The following IDE variants were observed in gnomAD, a reference collection of about 807,000 sequenced individuals.
IDE encodes insulin-degrading enzyme.
Under a neutral mutation model 133.2 loss-of-function variants are expected in IDE, and 58 were observed. The observed-to-expected ratio is 0.44, with a 90% CI of 0.35 to 0.54. IDE has a LOEUF of 0.54. IDE is among the 20% of genes least tolerant of loss of function. The pLI is 0.00. For missense variants in IDE, 981 were observed against 1,234.0 expected, an observed-to-expected ratio of 0.79 and a Z score of 3.07; for synonymous variants, 396 against 421.3, an observed-to-expected ratio of 0.94 and a Z score of 0.73.
At chr10:92,488,260 A>T (rs1473799179) in intron 12 of IDE, among the ~76,000 whole-genome samples, 1 of 152,010 alleles carries the variant, frequency 6.6e-6, no homozygotes, top group African/African-American at 2.4e-5. Flanking sequence ...GTGTACCACC[A>T]CACTCAGCTA....
In IDE at chr10:92,476,041, CA is replaced by C. The variant is rs1051330146; in HGVS notation, c.1885-48del. On this transcript the variant is annotated intron_variant, in intron 15 of 24. Transcript: ENST00000265986. ...TTAAAAGTCTAAAAATATCACAAAA[CA>C]ACTTCCAAATAAACGACTTGATTTT... is the stretch of plus-strand genomic sequence containing the variant. 6.5e-6 allele frequency: 5 copies of C among 764,908 alleles called. No homozygotes were observed. In the African/African-American group the frequency reaches 8.9e-5, roughly 14 times the overall value. The allele number at this position is 764,908 out of a possible 1,614,324, so 47.4% of individuals were successfully genotyped here.
At position 92,573,952 on chromosome 10, in the gene IDE, G is replaced by A; in HGVS notation, c.68C>T (p.Ala23Val). 1.4e-6 allele frequency: 2 copies of A among 1,475,022 alleles called. No individual in the cohort carries two copies. Among genetic ancestry groups the A allele is most frequent in the African/African-American group, 1.5e-5 (1 of 67,400 alleles). The allele number at this position is 1,475,022 out of a possible 1,614,324, so 91.4% of individuals were successfully genotyped here. ...CAGGCGCTCCGGAGGCGGCAGGCGG[G>A]CGCCGAGGACTGAGCGGAAGGTGCT... is the stretch of plus-strand genomic sequence containing the variant. ...LPSTFRSVLG[A>V]RLPPPERLCG... is the part of the protein sequence containing the mutation. Residue 23 changes from alanine (A) to valine (V), a missense_variant, in exon 1 of 25, where the codon GCC becomes GTC. This residue lies in a region of IDE where 321 missense variants were observed against 339.3 expected (regional missense o/e 0.95). Coordinates refer to ENST00000265986, the MANE Select transcript of IDE (RefSeq NM_004969.4).
At chr10:92,456,763 G>A (rs1341902376) in intron 22 of IDE, among the ~76,000 whole-genome samples, 1 of 136,422 alleles carries the variant, frequency 7.3e-6, no homozygotes, top group African/African-American at 2.7e-5. Flanking sequence ...TGCCTGACAC[G>A]AGGAAGCAAG....
Position 92,454,456 on chromosome 10 carries a change from A to G in IDE, c.3048T>C (p.Ala1016=). ...GCATGGGGAATCTTCAGAGTTTTGC[A>G]GCCATGAAGTTAATATGTGGTTTCA... The part of the protein sequence containing the change: ...PLVKPHINFM[A]AKL Residue 1016 remains alanine, a synonymous_variant, in exon 25 of 25, where the codon GCT becomes GCC. Transcript: ENST00000265986. 6.2e-7 allele frequency: 1 copy of G among 1,611,268 alleles called. No homozygotes were observed. The highest frequency in any genetic ancestry group is 8.5e-7 in the Non-Finnish European group (1 of 1,177,344).
At chr10:92,502,285 T>C (rs372974962) in intron 11 of IDE, among the ~76,000 whole-genome samples, 4 of 152,198 alleles carry the variant, frequency 2.6e-5, no homozygotes, top group Non-Finnish European at 5.9e-5. Flanking sequence ...TGCTTCTCCA[T>C]TTATTTAGGT....
intron 11 of IDE, among the ~76,000 whole-genome samples, chr10:92,499,329 G>C (rs1847884981): frequency 6.6e-6 from 1 of 151,810 alleles, no homozygotes; most frequent in African/African-American, 2.4e-5. Flanking sequence ...AATTACCGTA[G>C]AGATGAGGTT....
At chr10:92,512,268 A>G (rs1220781281) in intron 5 of IDE, among the ~76,000 whole-genome samples, 1 of 152,182 alleles carries the variant, frequency 6.6e-6, no homozygotes, top group Admixed American at 6.5e-5. Flanking sequence ...CCGTCAAAAG[A>G]AGGAGTGGAT....
intron 17 of IDE, among the ~76,000 whole-genome samples, chr10:92,472,452 T>C (rs1436794461): frequency 6.6e-6 from 1 of 152,206 alleles, no homozygotes; most frequent in Non-Finnish European, 1.5e-5. Flanking sequence ...TTAACTGTCC[T>C]GATAAAAAAA....
At chr10:92,456,245 T>A (rs1015033872) in intron 23 of IDE, 114 bp downstream of exon 23, 1 of 768,818 alleles carries the variant, frequency 1.3e-6, no homozygotes, top group African/African-American at 1.7e-5. Flanking sequence ...TTATCTCCAG[T>A]TTCCGTTCTC....
intron 1 of IDE, among the ~76,000 whole-genome samples, chr10:92,541,542 AC>A (rs369773641): frequency 9.3e-4 from 142 of 152,294 alleles, no homozygotes; most frequent in African/African-American, 3.0e-3. Flanking sequence ...TATATTTTTA[AC>A]TTGTTAAAGT....
At chr10:92,519,025 C>T (rs370440449) in intron 4 of IDE, among the ~76,000 whole-genome samples, 24 of 152,152 alleles carry the variant, frequency 1.6e-4, no homozygotes, top group African/African-American at 5.1e-4. Context: ...TGTATGACAA[C>T]TACATCATAA....
At chr10:92,557,190 G>A (rs1423788037) in intron 1 of IDE, among the ~76,000 whole-genome samples, 1 of 152,134 alleles carries the variant, frequency 6.6e-6, no homozygotes, top group African/African-American at 2.4e-5. Flanking sequence ...CAAACTGCCT[G>A]ACTTCAAAAC....
chr10:92,559,297 T>A (rs1843166281), intron 1 of IDE: 1 of 152,192 alleles, frequency 6.6e-6, no homozygotes, highest in Admixed American at 6.6e-5. Context: ...CGAAAATAAG[T>A]GTTCACATGA....
chr10:92,479,976 C>A (rs1308428422), intron 14 of IDE, among the ~76,000 whole-genome samples: 1 of 152,134 alleles, frequency 6.6e-6, no homozygotes. Context: ...AGCTAGAGAA[C>A]TGTCAGTAAA....
At chr10:92,480,165 G>A (rs1846520895) in intron 14 of IDE, among the ~76,000 whole-genome samples, 1 of 152,236 alleles carries the variant, frequency 6.6e-6, no homozygotes, top group Non-Finnish European at 1.5e-5. Context: ...CAGGTCCCCT[G>A]AGTTCGTGGC....
intron 5 of IDE, among the ~76,000 whole-genome samples, chr10:92,512,745 A>C (rs1848697215): frequency 6.6e-6 from 1 of 152,146 alleles, no homozygotes; most frequent in South Asian, 2.1e-4. Context: ...TACCAACTTA[A>C]AAAATAGTTT....
chr10:92,461,040 C>T (rs1298960117), intron 22 of IDE, 151 bp downstream of exon 22: 1 of 495,018 alleles, frequency 2.0e-6, no homozygotes, highest in Non-Finnish European at 3.8e-6. Context: ...GGGGTTTCAC[C>T]ATGTTGGCCA....
At chr10:92,485,618 C>T (rs1050905942) in intron 13 of IDE, among the ~76,000 whole-genome samples, 3 of 152,080 alleles carry the variant, frequency 2.0e-5, no homozygotes, top group Admixed American at 1.3e-4. Flanking sequence ...TTAATGTTCT[C>T]GTTAGTTTGC....
At chr10:92,489,794 G>C (rs1246529440) in intron 12 of IDE, among the ~76,000 whole-genome samples, 2 of 152,116 alleles carry the variant, frequency 1.3e-5, no homozygotes, top group Admixed American at 1.3e-4. Context: ...TCATTACACA[G>C]GTACATTTTT....
Sources: allele counts gnomAD v4.1 joint callset (sites outside exome capture counted in the v4.1 genomes callset), GRCh38; gene constraint gnomAD v4.1.1; regional missense constraint gnomAD v4.1.1; transcripts MANE v1.5; gene names NCBI Gene and HGNC (gene_info 2026-07-23, HGNC 2026-07-21).